TACR3: variants seen among roughly 807,000 people sequenced by gnomAD.
TACR3 encodes neuromedin-K receptor.
A neutral mutation model predicts 35.0 loss-of-function variants in TACR3; 34 were observed. The observed-to-expected ratio is 0.97, with a 90% CI of 0.74 to 1.30. The LOEUF is 1.30. TACR3 is among the 50% of genes most tolerant of loss of function. TACR3 has a pLI of 0.00. For missense variants in TACR3, 558 were observed against 591.7 expected, an observed-to-expected ratio of 0.94 and a Z score of 0.59; for synonymous variants, 233 against 221.1, an observed-to-expected ratio of 1.05 and a Z score of -0.48.
At chr4:103,631,749 T>C (rs1725071911) in intron 3 of TACR3, among the ~76,000 whole-genome samples, 1 of 152,194 alleles carries the variant, frequency 6.6e-6, no homozygotes, top group Admixed American at 6.6e-5. Context: ...CTCTCATCTA[T>C]AAAATGAGAA....
chr4:103,623,117 T>C (rs933234135), intron 3 of TACR3, among the ~76,000 whole-genome samples: 1 of 152,060 alleles, frequency 6.6e-6, no homozygotes, highest in African/African-American at 2.4e-5. Context: ...ATCCTCCTCT[T>C]CACAGGAGGA....
intron 1 of TACR3, among the ~76,000 whole-genome samples, chr4:103,710,692 T>C (rs1196903943): frequency 1.3e-5 from 2 of 152,038 alleles, no homozygotes; most frequent in East Asian, 1.9e-4. Context: ...AAAAAATCAA[T>C]GAATCCAGGA....
intron 1 of TACR3, among the ~76,000 whole-genome samples, chr4:103,701,987 C>T (rs113399809): frequency 0.12 from 17,934 of 151,838 alleles, 1,437 homozygotes; most frequent in East Asian, 0.43. Context: ...GACATAGGCA[C>T]GGGCAAGGAC....
rs1249578396 is a variant in TACR3 at position 103,589,728 on chromosome 4, G to A, written c.1352C>T (p.Ser451Leu). The A allele has an allele frequency of 2.5e-6, 4 of 1,613,990 alleles. No individual in the cohort carries two copies. The highest frequency in any genetic ancestry group is 3.4e-6 in the Non-Finnish European group (4 of 1,179,894). ...RRNSKSASAT[S>L]SFISSPYTSV... ...GGTATAGGGTGAGCTTATGAAACTT[G>A]AAGTGGCGGAGGCAGATTTGGAATT... The change falls in exon 5 of 5, where the codon TCA becomes TTA. Residue 451 changes from serine to leucine, a missense_variant. Physicochemically the swap from Ser to Leu is moderately radical, Grantham distance 145. Transcript: ENST00000304883.
At chr4:103,622,590 G>T (rs942718987) in intron 3 of TACR3, among the ~76,000 whole-genome samples, 4 of 152,132 alleles carry the variant, frequency 2.6e-5, no homozygotes, top group African/African-American at 9.7e-5. Context: ...TTAGCCAGGC[G>T]TGGCAGCGTG....
chr4:103,702,348 G>T (rs1427222233), intron 1 of TACR3, among the ~76,000 whole-genome samples: 1 of 152,134 alleles, frequency 6.6e-6, no homozygotes, highest in Non-Finnish European at 1.5e-5. Flanking sequence ...AAACCACAAT[G>T]AGATACCATC....
At chr4:103,634,359 A>G (rs1224045902) in intron 3 of TACR3, among the ~76,000 whole-genome samples, 1 of 152,074 alleles carries the variant, frequency 6.6e-6, no homozygotes, top group Admixed American at 6.6e-5. Flanking sequence ...CTTGGCCTCC[A>G]GGAGGTTGGG....
At chr4:103,628,014 T>C (rs1294830459) in intron 3 of TACR3, among the ~76,000 whole-genome samples, 1 of 152,078 alleles carries the variant, frequency 6.6e-6, no homozygotes, top group African/African-American at 2.4e-5. Context: ...CACAACTTCA[T>C]GGAAACTGAA....
chr4:103,597,741 T>C (rs896455933), intron 3 of TACR3, among the ~76,000 whole-genome samples: 16 of 152,132 alleles, frequency 1.1e-4, no homozygotes, highest in Non-Finnish European at 2.1e-4. Context: ...CTGAGAATGA[T>C]GGTTTCCAGT....
At chr4:103,598,534 TATGTACTGA>T (rs996682880) in intron 3 of TACR3, among the ~76,000 whole-genome samples, 5 of 152,188 alleles carry the variant, frequency 3.3e-5, no homozygotes, top group African/African-American at 1.2e-4. Flanking sequence ...TGCCCATGCC[TATGTACTGA>T]ATGGTATTGC....
chr4:103,612,671 C>G (rs746755515), intron 3 of TACR3, among the ~76,000 whole-genome samples: 3 of 152,032 alleles, frequency 2.0e-5, no homozygotes, highest in Non-Finnish European at 4.4e-5. Context: ...ACCACACCAG[C>G]TAATTTTTGT....
intron 3 of TACR3, among the ~76,000 whole-genome samples, chr4:103,647,436 T>C (rs960949384): frequency 6.6e-6 from 1 of 151,920 alleles, no homozygotes; most frequent in Non-Finnish European, 1.5e-5. Flanking sequence ...AACAGGATAA[T>C]GTTAAGAAAG....
chr4:103,622,434 A>G (rs1312218599), intron 3 of TACR3, among the ~76,000 whole-genome samples: 1 of 152,170 alleles, frequency 6.6e-6, no homozygotes, highest in Non-Finnish European at 1.5e-5. Flanking sequence ...ACATGAAAAG[A>G]TAGAAATCAG....
intron 3 of TACR3, among the ~76,000 whole-genome samples, chr4:103,637,328 C>T (rs577364787): frequency 9.2e-5 from 14 of 152,034 alleles, no homozygotes; most frequent in South Asian, 2.1e-4. Flanking sequence ...ACAGAACCAA[C>T]GACAAAAACC....
chr4:103,602,415 C>G (rs887966436), intron 3 of TACR3, among the ~76,000 whole-genome samples: 7 of 152,100 alleles, frequency 4.6e-5, no homozygotes, highest in Non-Finnish European at 5.9e-5. Flanking sequence ...CAGCTGTGTT[C>G]CGTTGCTGGT....
At chr4:103,681,365 T>G (rs983016364) in intron 1 of TACR3, among the ~76,000 whole-genome samples, 1 of 152,090 alleles carries the variant, frequency 6.6e-6, no homozygotes, top group African/African-American at 2.4e-5. Context: ...TATATCCTTC[T>G]TGTTTTGTCA....
chr4:103,693,648 T>C (rs1578260315), intron 1 of TACR3, among the ~76,000 whole-genome samples: 1 of 152,128 alleles, frequency 6.6e-6, no homozygotes, highest in East Asian at 1.9e-4. Context: ...AAGAACTAAT[T>C]TTAAGGTAAA....
At chr4:103,656,402 C>A in intron 2 of TACR3, 58 bp from the exon 3 acceptor site, 1 of 1,537,278 alleles carries the variant, frequency 6.5e-7, no homozygotes, top group Non-Finnish European at 9.0e-7. Context: ...ATATTGGGGA[C>A]TGAATTGGCT....
intron 3 of TACR3, among the ~76,000 whole-genome samples, chr4:103,623,038 C>T (rs1724818087): frequency 6.6e-6 from 1 of 151,958 alleles, no homozygotes; most frequent in South Asian, 2.1e-4. Context: ...TGGAGTATAC[C>T]TACCTAATGT....
Sources: gnomAD v4.1 joint callset for allele counts (sites outside exome capture counted in the v4.1 genomes callset) on GRCh38, gnomAD v4.1.1 for gene constraint, MANE v1.5 for transcripts, NCBI Gene and HGNC (gene_info 2026-07-23, HGNC 2026-07-21) for gene names.